ARHGAP10: variants seen among roughly 807,000 people sequenced by gnomAD.
The protein encoded by ARHGAP10 is Rho GTPase activating protein 10.
ARHGAP10 carries 87 observed loss-of-function variants against 108.6 expected under a neutral mutation model. The observed-to-expected ratio is 0.80, with a 90% confidence interval of 0.67 to 0.96. The LOEUF (loss-of-function observed/expected upper bound fraction) is 0.96, where lower values mean the gene tolerates loss of function less well. ARHGAP10 is among the 40% of genes least tolerant of loss of function. ARHGAP10 has a pLI of 0.00. For synonymous variants in ARHGAP10, 347 were observed against 341.1 expected (o/e 1.02, Z -0.19); for missense variants, 939 against 954.5 (o/e 0.98, Z 0.21).
chr4:147,772,320 T>C (rs1391675175), intron 1 of ARHGAP10, among the ~76,000 whole-genome samples: 1 of 152,246 alleles, frequency 6.6e-6, no homozygotes, highest in Non-Finnish European at 1.5e-5. Context: ...ATCTGCCAGT[T>C]GACACTTTAC....
At chr4:147,798,247 A>G (rs911409938) in intron 1 of ARHGAP10, among the ~76,000 whole-genome samples, 1 of 152,046 alleles carries the variant, frequency 6.6e-6, no homozygotes, top group African/African-American at 2.4e-5. Flanking sequence ...TGGCAGCCCA[A>G]AATATCGGTA....
At chr4:148,022,063 A>C (rs1741588611) in intron 18 of ARHGAP10, among the ~76,000 whole-genome samples, 1 of 152,224 alleles carries the variant, frequency 6.6e-6, no homozygotes, top group African/African-American at 2.4e-5. Context: ...ACACATATGT[A>C]AGTGATATAC....
In ARHGAP10 at chr4:148,037,051, T is replaced by A. The variant is rs192747851; in HGVS notation, c.1868-9841T>A. On this transcript the variant is annotated intron_variant, in intron 19 of 22. Transcript: ENST00000336498. Reference sequence around the variant, plus strand: ...GTTTTTCTGTGTTCTTTGGTCATGATCTTTTTCAGTTTCCCTCAGTCTTAT... The same window carrying A: ...GTTTTTCTGTGTTCTTTGGTCATGAACTTTTTCAGTTTCCCTCAGTCTTAT... 4.8e-4 allele frequency among the ~76,000 whole-genome samples: 73 copies of A among 152,350 alleles called. 1 individual carries two copies. The highest frequency in any genetic ancestry group is 3.9e-3 in the Admixed American group (59 of 15,308).
intron 18 of ARHGAP10, among the ~76,000 whole-genome samples, chr4:148,018,260 G>C (rs1297436397): frequency 6.6e-6 from 1 of 152,148 alleles, no homozygotes; most frequent in East Asian, 1.9e-4. Flanking sequence ...TGAGAGGTTT[G>C]ATGCCAGGAA....
At chr4:147,838,282 AG>A (rs1228057111) in intron 3 of ARHGAP10, among the ~76,000 whole-genome samples, 1 of 152,170 alleles carries the variant, frequency 6.6e-6, no homozygotes, top group East Asian at 1.9e-4. Flanking sequence ...AGTATATGTT[AG>A]CAGCCCATTT....
intron 1 of ARHGAP10, among the ~76,000 whole-genome samples, chr4:147,783,883 TTAAATTGTG>T (rs1730680907): frequency 8.9e-6 from 1 of 112,946 alleles, no homozygotes; most frequent in Non-Finnish European, 1.7e-5. Context: ...ATAACACACA[TTAAATTGTG>T]TATTATATTT....
chr4:147,790,741 A>G (rs896659410), intron 1 of ARHGAP10, among the ~76,000 whole-genome samples: 2 of 152,234 alleles, frequency 1.3e-5, no homozygotes, highest in African/African-American at 4.8e-5. Context: ...AGTTTTATCA[A>G]GTTTCCTTCT....
chr4:147,768,974 G>T (rs751882892), intron 1 of ARHGAP10, among the ~76,000 whole-genome samples: 4 of 152,074 alleles, frequency 2.6e-5, no homozygotes, highest in Non-Finnish European at 4.4e-5. Flanking sequence ...CTGACTTCAA[G>T]TGATCTGCCT....
intron 19 of ARHGAP10, among the ~76,000 whole-genome samples, chr4:148,026,417 C>A (rs1483134408): frequency 6.6e-6 from 1 of 152,166 alleles, no homozygotes; most frequent in South Asian, 2.1e-4. Context: ...ACCTCACCCC[C>A]ACTCCCAATT....
At chr4:147,744,064 G>A (rs771194233) in intron 1 of ARHGAP10, among the ~76,000 whole-genome samples, 1 of 152,204 alleles carries the variant, frequency 6.6e-6, no homozygotes, top group Non-Finnish European at 1.5e-5. Context: ...TAGTGCAGAA[G>A]AGTTCTAGTG....
rs76076505 is a variant in ARHGAP10, at chr4:147,915,946, T to A, written c.1228+2807T>A. On this transcript the variant is annotated intron_variant, in intron 13 of 22. Transcript: ENST00000336498. Reference sequence around the variant, plus strand: ...TAGCATGACCCTGTCTGTATAAAAATTTTTTTAAAAAAATTAGCTGAGTGT... The same window carrying A: ...TAGCATGACCCTGTCTGTATAAAAAATTTTTTAAAAAAATTAGCTGAGTGT... 5.1e-3 allele frequency among the ~76,000 whole-genome samples: 782 copies of A among 152,120 alleles called. 7 individuals carry two copies. Among genetic ancestry groups the A allele is most frequent in the Middle Eastern group, 0.017 (5 of 294 alleles).
At chr4:148,047,189 C>T in intron 20 of ARHGAP10, 138 bp downstream of exon 20, 2 of 1,038,534 alleles carry the variant, frequency 1.9e-6, no homozygotes, top group East Asian at 5.3e-5. Context: ...AGAAGGGCCA[C>T]CAAAGGGAGA....
intron 4 of ARHGAP10, 21 bp from the exon 5 acceptor site, chr4:147,857,530 CAT>C (rs1734142164): frequency 7.3e-7 from 1 of 1,362,626 alleles, no homozygotes; most frequent in Non-Finnish European, 9.6e-7. Context: ...TCTGTTTAAT[CAT>C]AGTTTTTTTT....
chr4:147,939,785 A>C, intron 13 of ARHGAP10, 40 bp from the exon 14 acceptor site: 4 of 1,538,460 alleles, frequency 2.6e-6, no homozygotes, highest in Non-Finnish European at 3.6e-6. Flanking sequence ...TTAAAATATG[A>C]TAGTCTTCTA....
At position 147,946,655 on chromosome 4, in the gene ARHGAP10, G is replaced by T; in HGVS notation, c.1342G>T (p.Ala448Ser). 1.2e-6 allele frequency: 2 copies of T among 1,612,656 alleles called. No homozygotes were observed. Among genetic ancestry groups the T allele is most frequent in the African/African-American group, 1.3e-5 (1 of 74,980 alleles). ...CAATGAGGTGGACCTGGAGAATTCT[G>T]CAGATTGGGAAGTGAAGACAATAAC... ...TCNEVDLENSADWEVKTITSA... is the reference protein window; with the variant it reads ...TCNEVDLENSSDWEVKTITSA... The change falls in exon 15 of 23, where the codon GCA becomes TCA. Residue 448 changes from alanine to serine, a missense_variant. Ala to Ser is a moderately conservative substitution (Grantham distance 99, BLOSUM62 1). Transcript: ENST00000336498.
At chr4:147,808,400 G>A (rs780259750) in intron 1 of ARHGAP10, among the ~76,000 whole-genome samples, 6 of 152,106 alleles carry the variant, frequency 3.9e-5, no homozygotes, top group Non-Finnish European at 7.3e-5. Context: ...TGATGAGGCT[G>A]CAGAGTGAGC....
chr4:147,990,820 C>G (rs6849257), intron 18 of ARHGAP10, among the ~76,000 whole-genome samples: 22,090 of 151,906 alleles, frequency 0.15, 2,589 homozygotes, highest in African/African-American at 0.33. Flanking sequence ...GCCTATTAGA[C>G]CCTGGGCAAC....
At chr4:147,900,909 C>T (rs908143718) in intron 10 of ARHGAP10, among the ~76,000 whole-genome samples, 5 of 152,162 alleles carry the variant, frequency 3.3e-5, no homozygotes, top group Non-Finnish European at 2.9e-5. Flanking sequence ...TTCAAGCAAT[C>T]CTCCTGCCTC....
intron 20 of ARHGAP10, among the ~76,000 whole-genome samples, chr4:148,052,442 G>A (rs1284170982): frequency 5.0e-5 from 5 of 99,592 alleles, no homozygotes; most frequent in Non-Finnish European, 9.4e-5. Context: ...AACATATACT[G>A]CTTTTGTAAT....
Sources: allele counts gnomAD v4.1 joint callset (sites outside exome capture counted in the v4.1 genomes callset), GRCh38; gene constraint gnomAD v4.1.1; transcripts MANE v1.5; gene names NCBI Gene and HGNC (gene_info 2026-07-23, HGNC 2026-07-21).